SLC24A2: variants seen among roughly 807,000 people sequenced by gnomAD.
SLC24A2 encodes sodium/potassium/calcium exchanger 2.
A neutral mutation model predicts 62.0 loss-of-function variants in SLC24A2; 36 were observed. The observed-to-expected ratio is 0.58, with a 90% confidence interval of 0.44 to 0.77. SLC24A2 has a LOEUF of 0.77. Among genes scored for constraint, SLC24A2 ranks in the 30% least tolerant of loss-of-function variants. The pLI is 0.00. For missense variants in SLC24A2, 846 were observed against 817.9 expected, an observed-to-expected ratio of 1.03 and a Z score of -0.42; for synonymous variants, 358 against 294.0, an observed-to-expected ratio of 1.22 and a Z score of -2.23.
intron 2 of SLC24A2, among the ~76,000 whole-genome samples, chr9:19,773,652 T>C (rs1053968855): frequency 3.9e-5 from 6 of 152,204 alleles, no homozygotes; most frequent in African/African-American, 1.4e-4. Context: ...CTTCTACCTA[T>C]GACACCAAGC....
chr9:19,919,954 C>T, the SLC24A2 span, among the ~76,000 whole-genome samples: 1 of 152,070 alleles, frequency 6.6e-6, no homozygotes, highest in Non-Finnish European at 1.5e-5. Context: ...CAAACTATAT[C>T]AGAGCCCAAT....
At chr9:19,761,467 T>TTTTATTTTATTTTA (rs147911890) in intron 2 of SLC24A2, among the ~76,000 whole-genome samples, 2,474 of 150,294 alleles carry the variant, frequency 0.016, 72 homozygotes, top group African/African-American at 0.057. Flanking sequence ...TTTTTTAATT[T>TTTTATTTTATTTTA]TTTTATTTTA....
intron 2 of SLC24A2, among the ~76,000 whole-genome samples, chr9:19,721,992 CATA>C (rs1821040036): frequency 6.6e-6 from 1 of 152,096 alleles, no homozygotes; most frequent in Non-Finnish European, 1.5e-5. Flanking sequence ...GGTTATTTTG[CATA>C]ATACTTTTCC....
chr9:19,854,847 T>A, the SLC24A2 span, among the ~76,000 whole-genome samples: 28 of 152,304 alleles, frequency 1.8e-4, no homozygotes, highest in African/African-American at 4.8e-4. Flanking sequence ...AATATCTTTG[T>A]TAATTTTTTG....
the SLC24A2 span, among the ~76,000 whole-genome samples, chr9:20,006,812 T>C: frequency 6.6e-6 from 1 of 152,150 alleles, no homozygotes; most frequent in African/African-American, 2.4e-5. Flanking sequence ...AGATCTGGAA[T>C]TGACTCCCAA....
At chr9:19,523,323 C>T (rs1833285378) in intron 9 of SLC24A2, among the ~76,000 whole-genome samples, 1 of 152,154 alleles carries the variant, frequency 6.6e-6, no homozygotes, top group Non-Finnish European at 1.5e-5. Flanking sequence ...AGACAACTTC[C>T]CTGAGTCTCA....
the SLC24A2 span, among the ~76,000 whole-genome samples, chr9:20,070,641 T>TA: frequency 6.6e-6 from 1 of 152,208 alleles, no homozygotes; most frequent in East Asian, 1.9e-4. Context: ...AATCAGTTTA[T>TA]AAAGGCCTGC....
the SLC24A2 span, among the ~76,000 whole-genome samples, chr9:20,273,863 A>G: frequency 1.1e-4 from 17 of 152,210 alleles, no homozygotes. Context: ...GGACAGTTTT[A>G]CCCATTTCTT....
the SLC24A2 span, among the ~76,000 whole-genome samples, chr9:19,838,781 A>C: frequency 2.0e-5 from 3 of 151,898 alleles, no homozygotes; most frequent in Admixed American, 6.6e-5. Flanking sequence ...AAAAAAAAAA[A>C]AAACCCTAGA....
At chr9:20,214,359 G>T in the SLC24A2 span, among the ~76,000 whole-genome samples, 2 of 152,092 alleles carry the variant, frequency 1.3e-5, no homozygotes, top group Non-Finnish European at 2.9e-5. Context: ...CACACCTGTA[G>T]TCCCAGCACT....
chr9:19,553,217 A>G (rs1563958708), intron 7 of SLC24A2, among the ~76,000 whole-genome samples: 1 of 152,222 alleles, frequency 6.6e-6, no homozygotes, highest in Non-Finnish European at 1.5e-5. Context: ...AGAAAAAAAT[A>G]CTGTTCCAAG....
At chr9:19,962,659 C>CTGTT in the SLC24A2 span, among the ~76,000 whole-genome samples, 6 of 151,978 alleles carry the variant, frequency 3.9e-5, no homozygotes, top group African/African-American at 7.2e-5. Flanking sequence ...ATTTGGCTCT[C>CTGTT]TGTCTGTTAT....
At chr9:19,735,849 G>T (rs375195589) in intron 2 of SLC24A2, among the ~76,000 whole-genome samples, 1 of 151,552 alleles carries the variant, frequency 6.6e-6, no homozygotes, top group East Asian at 1.9e-4. Context: ...CACACACTAG[G>T]GCCTGTTGTG....
intron 2 of SLC24A2, among the ~76,000 whole-genome samples, chr9:19,785,084 A>T (rs1262307291): frequency 6.6e-6 from 1 of 152,218 alleles, no homozygotes; most frequent in Non-Finnish European, 1.5e-5. Flanking sequence ...GCTAGGATAT[A>T]AATCAGAACT....
chr9:19,641,941 C>T (rs1818506082), intron 2 of SLC24A2, among the ~76,000 whole-genome samples: 1 of 152,050 alleles, frequency 6.6e-6, no homozygotes. Flanking sequence ...CAAAATGTGC[C>T]TTCATTTTTT....
chr9:20,255,882 G>C, the SLC24A2 span, among the ~76,000 whole-genome samples: 1 of 152,144 alleles, frequency 6.6e-6, no homozygotes, highest in South Asian at 2.1e-4. Flanking sequence ...ATTGTTTATT[G>C]TCTTAGTCCA....
At chr9:19,764,855 T>C (rs1006937312) in intron 2 of SLC24A2, among the ~76,000 whole-genome samples, 3 of 152,190 alleles carry the variant, frequency 2.0e-5, no homozygotes, top group South Asian at 2.1e-4. Context: ...AATATCTCTG[T>C]TAATTTTTTG....
At chr9:20,156,933 T>C in the SLC24A2 span, among the ~76,000 whole-genome samples, 1 of 151,774 alleles carries the variant, frequency 6.6e-6, no homozygotes, top group African/African-American at 2.4e-5. Context: ...AGACTCAAGT[T>C]GTAATTGGTT....
the SLC24A2 span, among the ~76,000 whole-genome samples, chr9:20,009,003 A>C: frequency 2.0e-5 from 3 of 152,194 alleles, no homozygotes; most frequent in African/African-American, 7.2e-5. Flanking sequence ...TGCAGAACTG[A>C]AAAAAGCTAT....
Sources: allele counts gnomAD v4.1 joint callset (sites outside exome capture counted in the v4.1 genomes callset), GRCh38; gene constraint gnomAD v4.1.1; transcripts MANE v1.5; gene names NCBI Gene and HGNC (gene_info 2026-07-23, HGNC 2026-07-21).